SNX1: variants seen among roughly 807,000 people sequenced by gnomAD.
The protein encoded by SNX1 is sorting nexin 1.
Under a neutral mutation model 71.8 loss-of-function variants are expected in SNX1, and 36 were observed. That is an observed-to-expected ratio of 0.50 (90% CI 0.38 to 0.66). The LOEUF (loss-of-function observed/expected upper bound fraction) is 0.66, where lower values mean the gene tolerates loss of function less well. SNX1 is among the 30% of genes least tolerant of loss of function. The pLI is 0.00. For missense variants in SNX1, 612 were observed against 646.7 expected, an observed-to-expected ratio of 0.95 and a Z score of 0.58; for synonymous variants, 254 against 240.7, an observed-to-expected ratio of 1.06 and a Z score of -0.51.
chr15:64,143,272 G>A lies in SNX1; in HGVS notation c.*5654G>A, dbSNP rs1232702550. 1.3e-5 allele frequency: 2 copies of A among 152,322 alleles called. No homozygotes were observed. The highest frequency in any genetic ancestry group is 2.1e-4 in the South Asian group (1 of 4,838). The allele number at this position is 152,322 out of a possible 1,614,324, so 9.4% of individuals were successfully genotyped here. On this transcript the variant is annotated 3_prime_UTR_variant, in exon 15 of 15. Coordinates refer to ENST00000559844, the MANE Select transcript of SNX1 (RefSeq NM_003099.5). ...TTGGACAGGGTCGTGCCTGATCTGA[G>A]ATAAATGGACAAGAACAACTGAAGC...
intron 1 of SNX1, among the ~76,000 whole-genome samples, chr15:64,109,128 T>C (rs1190097219): frequency 3.9e-5 from 6 of 152,152 alleles, no homozygotes; most frequent in Non-Finnish European, 8.8e-5. Context: ...CCCAGCACTT[T>C]GGGAGGCCAT....
chr15:64,131,338 TAC>T (rs1427193232), intron 10 of SNX1, among the ~76,000 whole-genome samples: 11 of 152,234 alleles, frequency 7.2e-5, no homozygotes, highest in African/African-American at 2.7e-4. Context: ...ACAGAGAGGC[TAC>T]CACTCATGAG....
chr15:64,114,656 G>A (rs1053591686), intron 2 of SNX1, among the ~76,000 whole-genome samples: 2 of 152,186 alleles, frequency 1.3e-5, no homozygotes, highest in Admixed American at 1.3e-4. Context: ...GGTGAGGAGG[G>A]AGAAAGACAA....
At position 64,111,298 on chromosome 15, in the gene SNX1, A is replaced by G. The variant is rs574966108; in HGVS notation, c.160-1275A>G. Among the ~76,000 whole-genome samples the G allele has an allele frequency of 2.0e-5, 3 of 152,358 alleles. No homozygotes were observed. In the South Asian group the frequency reaches 6.2e-4, roughly 32 times the overall value. Reference sequence around the variant, plus strand: ...GTTAAAGCAGCTAGAGGACAGGACCACTATCTCTAATAGACTTGGAATAAC... The same window carrying G: ...GTTAAAGCAGCTAGAGGACAGGACCGCTATCTCTAATAGACTTGGAATAAC... On this transcript the variant is annotated intron_variant, in intron 1 of 14. Coordinates refer to ENST00000559844, the MANE Select transcript of SNX1 (RefSeq NM_003099.5).
At chr15:64,130,155 A>G in intron 9 of SNX1, 73 bp from the exon 10 acceptor site, 1 of 1,499,850 alleles carries the variant, frequency 6.7e-7, no homozygotes, top group Non-Finnish European at 9.2e-7. Flanking sequence ...TTTTTGAGAA[A>G]CAACTGCTAA....
In SNX1 at chr15:64,137,607, G is replaced by A. The variant is rs754822161; in HGVS notation, c.1558G>A (p.Ala520Thr). ...GGAAGCCTTCCTTCCTGAGGCAAAG[G>A]CCATCTCCTAATGGACCAAGGACCC... ...YWEAFLPEAK[A>T]IS is the part of the protein sequence containing the mutation. The change falls in exon 15 of 15, where the codon GCC becomes ACC. Residue 520 changes from alanine (A) to threonine (T), a missense_variant. Transcript: ENST00000559844. 1.9e-6 allele frequency: 3 copies of A among 1,614,164 alleles called. No homozygotes were observed. The highest frequency in any genetic ancestry group is 1.7e-6 in the Non-Finnish European group (2 of 1,180,018).
intron 2 of SNX1, among the ~76,000 whole-genome samples, chr15:64,113,551 G>A (rs1359426116): frequency 6.6e-6 from 1 of 152,168 alleles, no homozygotes; most frequent in African/African-American, 2.4e-5. Context: ...CAGGCACAGT[G>A]GCTCACACCC....
At chr15:64,130,546 G>A (rs1464794673) in intron 10 of SNX1, among the ~76,000 whole-genome samples, 3 of 152,258 alleles carry the variant, frequency 2.0e-5, no homozygotes, top group East Asian at 1.9e-4. Flanking sequence ...AGGGGTGCAG[G>A]GAAGCCATCC....
At chr15:64,125,282 G>T (rs1245213157) in intron 5 of SNX1, among the ~76,000 whole-genome samples, 2 of 152,028 alleles carry the variant, frequency 1.3e-5, no homozygotes, top group Non-Finnish European at 2.9e-5. Context: ...GGCCAACATG[G>T]TGAAACCCCA....
At chr15:64,132,959 T>TG (rs1227370267) in intron 11 of SNX1, among the ~76,000 whole-genome samples, 1 of 152,210 alleles carries the variant, frequency 6.6e-6, no homozygotes, top group Non-Finnish European at 1.5e-5. Flanking sequence ...GGGCACCCTC[T>TG]GGGGGAAGCT....
At position 64,130,271 on chromosome 15, in the gene SNX1, G is replaced by A. The variant is rs1364656212; in HGVS notation, c.965G>A (p.Arg322His). ...CAGGAGGTAGAGTGTGAGGAGCAGCGCTTACGGAAACTGCATGCTGTTGTA... is the reference window on the plus strand; with the variant it reads ...CAGGAGGTAGAGTGTGAGGAGCAGCACTTACGGAAACTGCATGCTGTTGTA... ...KLQEVECEEQ[R>H]LRKLHAVVET... Residue 322 changes from arginine to histidine, a missense_variant, in exon 10 of 15, where the codon CGC (arginine) becomes CAC (histidine). Coordinates refer to ENST00000559844, the MANE Select transcript of SNX1 (RefSeq NM_003099.5). 4.3e-6 allele frequency: 7 copies of A among 1,614,030 alleles called. No individual in the cohort carries two copies. In the East Asian group the frequency reaches 6.7e-5, roughly 15 times the overall value.
intron 2 of SNX1, among the ~76,000 whole-genome samples, chr15:64,113,772 G>C (rs931524266): frequency 6.6e-6 from 1 of 152,142 alleles, no homozygotes; most frequent in Admixed American, 6.5e-5. Flanking sequence ...AGTGAGCTGA[G>C]ATTGTGCTAC....
At chr15:64,132,638 G>A (rs1428242939) in intron 11 of SNX1, among the ~76,000 whole-genome samples, 6 of 152,192 alleles carry the variant, frequency 3.9e-5, no homozygotes, top group Non-Finnish European at 7.3e-5. Flanking sequence ...TACACTCTAA[G>A]GGCCTAAGTC....
Sources: allele counts gnomAD v4.1 joint callset (sites outside exome capture counted in the v4.1 genomes callset), GRCh38; gene constraint gnomAD v4.1.1; transcripts MANE v1.5; gene names NCBI Gene and HGNC (gene_info 2026-07-23, HGNC 2026-07-21).